HMX1: variants seen among roughly 807,000 people sequenced by gnomAD.
HMX1 encodes the protein homeobox protein HMX1.
HMX1 carries 8 observed loss-of-function variants against 8.9 expected under a neutral mutation model. The ratio of observed to expected loss-of-function variants is 0.90; its 90% CI spans 0.53 to 1.63. The LOEUF is 1.63. HMX1 is among the 40% of genes most tolerant of loss of function. HMX1 has a pLI of 0.00. For synonymous variants in HMX1, 311 were observed against 283.4 expected, an observed-to-expected ratio of 1.10 and a Z score of -0.98; for missense variants, 621 against 558.5, an observed-to-expected ratio of 1.11 and a Z score of -1.13.
At chr4:8,865,049 C>T (rs1427241629), downstream of HMX1, among the ~76,000 whole-genome samples, 1 of 152,184 alleles carries the variant, frequency 6.6e-6, no homozygotes, top group African/African-American at 2.4e-5. Context: ...CTAAAACTGG[C>T]ACCCATAGGG....
At chr4:8,869,646 C>A (rs1722143403) in intron 1 of HMX1, among the ~76,000 whole-genome samples, 1 of 152,236 alleles carries the variant, frequency 6.6e-6, no homozygotes. Context: ...GCCCTCACAG[C>A]ACCCACAGGG....
intron 1 of HMX1, among the ~76,000 whole-genome samples, chr4:8,869,812 G>A (rs1457185934): frequency 2.0e-5 from 3 of 152,194 alleles, no homozygotes; most frequent in South Asian, 2.1e-4. Context: ...CGCATGGCAC[G>A]AAATAAGGGG....
Position 8,867,226 on chromosome 4 carries a change from C to T in HMX1, c.*467G>A. ...GCACCCGCGAGAGGGGTAGCACAGC[C>T]CTCCGGGCCGGCCTGCTGTCTGGGT... On this transcript the variant is annotated 3_prime_UTR_variant, in exon 2 of 2. Coordinates refer to ENST00000400677, the MANE Select transcript of HMX1 (RefSeq NM_018942.3). 1 of 985,968 alleles carries T rather than the reference C, an allele frequency of 1.0e-6. No individual in the cohort carries two copies. Among genetic ancestry groups the T allele is most frequent in the Non-Finnish European group, 1.2e-6 (1 of 830,284 alleles). 61.1% of individuals were successfully genotyped at this position (985,968 alleles called of 1,614,324 possible). A position where few individuals can be genotyped will look rare whatever the true frequency, so the allele number is the denominator to read the frequency against.
In HMX1 at chr4:8,870,090, G is replaced by C. The variant is rs974113340; in HGVS notation, c.394+1131C>G. 6.6e-6 allele frequency among the ~76,000 whole-genome samples: 1 copy of C among 152,088 alleles called. No homozygotes were observed. The highest frequency in any genetic ancestry group is 2.4e-5 in the African/African-American group (1 of 41,398). On this transcript the variant is annotated intron_variant, in intron 1 of 1. Transcript: ENST00000400677. The surrounding 1 kb of genome is among the most constrained non-coding windows in gnomAD (Gnocchi z 4.4). ...CGACATGGAAAGGGTTATCTAACAA[G>C]TGAGTGAGGGTCGTAGGCCACTTAC...
rs1721363789 is a variant in HMX1, at chr4:8,849,137, G to A, written c.395-2813C>T. Among the ~76,000 whole-genome samples, 1 of 152,084 alleles carries A rather than the reference G, an allele frequency of 6.6e-6. No homozygotes were observed. The highest frequency in any genetic ancestry group is 2.4e-5 in the African/African-American group (1 of 41,424). On this transcript the variant is annotated intron_variant, in intron 1 of 1. Coordinates refer to the HMX1 transcript ENST00000506970. The surrounding 1 kb of genome is among the most constrained non-coding windows in gnomAD (Gnocchi z 6.6). ...TGTGAAACGGGGGTATGAAGTGTGG[G>A]ATGAAGCCTTTTCATGAGGTTGTGA...
Position 8,860,082 on chromosome 4 carries a change from C to T in HMX1, c.394+11139G>A, listed in dbSNP as rs185661529. ...ACTGCGTCAGGGGCGAAGCCGAGTTCGTGGAGCGCCGTTGCGCACAAGTGC... is the reference window on the plus strand; with the variant it reads ...ACTGCGTCAGGGGCGAAGCCGAGTTTGTGGAGCGCCGTTGCGCACAAGTGC... On this transcript the variant is annotated intron_variant, in intron 1 of 1. Transcript: ENST00000506970. 1.4e-4 allele frequency among the ~76,000 whole-genome samples: 21 copies of T among 152,378 alleles called. No homozygotes were observed. In the East Asian group the frequency reaches 3.9e-3, roughly 28 times the overall value.
In HMX1 at chr4:8,871,119, TGGCCCAGAAC is replaced by T. The variant is rs1384290114; in HGVS notation, c.394+92_394+101del. The T allele has an allele frequency of 8.6e-7, 1 of 1,167,124 alleles. No homozygotes were observed. The highest frequency in any genetic ancestry group is 1.1e-6 in the Non-Finnish European group (1 of 921,234). 72.3% of individuals were successfully genotyped at this position (1,167,124 alleles called of 1,614,324 possible). ...ACGCCGTTCCACAGAAGGGAGAGGA[TGGCCCAGAAC>T]GGGCGGCGACGAGCCCGAAGTCCCC... On this transcript the variant is annotated intron_variant, in intron 1 of 1. Coordinates refer to ENST00000400677, the MANE Select transcript of HMX1 (RefSeq NM_018942.3). The surrounding 1 kb of genome is among the most constrained non-coding windows in gnomAD (Gnocchi z 4.8).
chr4:8,870,528 A>G lies in HMX1; in HGVS notation c.394+693T>C, dbSNP rs1177409597. On this transcript the variant is annotated intron_variant, in intron 1 of 1. Coordinates refer to ENST00000400677, the MANE Select transcript of HMX1 (RefSeq NM_018942.3). This position sits in a 1 kb window ranked among gnomAD's most constrained non-coding sequence, Gnocchi z 4.4. ...AACAGGCTCCCTTCTTGCCTGGCAC[A>G]GCCCATGCCCCTCAAGGACCAAGAG... Among the ~76,000 whole-genome samples, 1 of 152,134 alleles carries G rather than the reference A, an allele frequency of 6.6e-6. No individual in the cohort carries two copies. Among genetic ancestry groups the G allele is most frequent in the East Asian group, 1.9e-4 (1 of 5,174 alleles).
At chr4:8,857,418 C>T (rs1050870119) in intron 1 of HMX1, among the ~76,000 whole-genome samples, 2 of 152,182 alleles carry the variant, frequency 1.3e-5, no homozygotes, top group East Asian at 1.9e-4. Flanking sequence ...GGGCAGCCTC[C>T]GCTTTCTCCT....
intron 1 of HMX1, among the ~76,000 whole-genome samples, chr4:8,855,512 G>A (rs1236989805): frequency 6.6e-6 from 1 of 152,150 alleles, no homozygotes; most frequent in Non-Finnish European, 1.5e-5. Context: ...CACTCTGGGG[G>A]TCGAGGTGAG....
chr4:8,867,958 T>C lies in HMX1; in HGVS notation c.782A>G (p.Gln261Arg). The change falls in exon 2 of 2, where the codon CAG becomes CGG. Residue 261 changes from glutamine (Q) to arginine (R), a missense_variant. Physicochemically the swap from Gln to Arg is conservative, Grantham distance 43. Transcript: ENST00000400677. The stretch of plus-strand genomic sequence containing the variant: ...GGCCGCCTCCAGCTCGGCTGCCAGC[T>C]GCCGCTTCCACTTGTTGCGGCGGTT... ...FQNRRNKWKR[Q>R]LAAELEAASL... 2 of 1,509,286 alleles carry C rather than the reference T, an allele frequency of 1.3e-6. No homozygotes were observed. 93.5% of individuals were successfully genotyped at this position (1,509,286 alleles called of 1,614,324 possible). A position where few individuals can be genotyped will look rare whatever the true frequency, so the allele number is the denominator to read the frequency against.
Position 8,871,139 on chromosome 4 carries a change from C to G in HMX1, c.394+82G>C. ...GAGGATGGCCCAGAACGGGCGGCGA[C>G]GAGCCCGAAGTCCCCCAGCAAATGC... is the stretch of plus-strand genomic sequence containing the variant. On this transcript the variant is annotated intron_variant, in intron 1 of 1. Transcript: ENST00000400677. The surrounding 1 kb of genome is among the most constrained non-coding windows in gnomAD (Gnocchi z 4.8). 4.0e-6 allele frequency: 5 copies of G among 1,243,840 alleles called. No homozygotes were observed. The highest frequency in any genetic ancestry group is 1.9e-5 in the South Asian group (1 of 52,594). 77.1% of individuals were successfully genotyped at this position (1,243,840 alleles called of 1,614,324 possible).
At chr4:8,865,618 G>C (rs1420503718), downstream of HMX1, among the ~76,000 whole-genome samples, 1 of 152,140 alleles carries the variant, frequency 6.6e-6, no homozygotes, top group Non-Finnish European at 1.5e-5. Context: ...CCAGGAGCCT[G>C]AGTCAGGGGT....
At chr4:8,858,257 G>A (rs961497444) in intron 1 of HMX1, among the ~76,000 whole-genome samples, 2 of 152,152 alleles carry the variant, frequency 1.3e-5, no homozygotes, top group African/African-American at 2.4e-5. Flanking sequence ...GAGCGCTCTA[G>A]GAAAGGCGCA....
At chr4:8,862,814 G>A (rs1721872364), downstream of HMX1, among the ~76,000 whole-genome samples, 1 of 152,176 alleles carries the variant, frequency 6.6e-6, no homozygotes, top group South Asian at 2.1e-4. Flanking sequence ...TTGCTCCCCA[G>A]GCGGTGAGGC....
At position 8,871,353 on chromosome 4, in the gene HMX1, C is replaced by G. The variant is rs952845659; in HGVS notation, c.262G>C (p.Gly88Arg). The change falls in exon 1 of 2, where the codon GGG becomes CGG. Residue 88 changes from glycine to arginine, a missense_variant. Transcript: ENST00000400677. The surrounding 1 kb of genome is among the most constrained non-coding windows in gnomAD (Gnocchi z 4.8). Reference protein sequence around the residue: ...GGEARARALLGPGALGLGPRP... With the variant: ...GGEARARALLRPGALGLGPRP... The stretch of plus-strand genomic sequence containing the variant: ...GGACCGAGGCCCAGCGCGCCCGGCC[C>G]GAGCAGCGCACGGGCCCGCGCCTCC... 17 of 1,256,232 alleles carry G rather than the reference C, an allele frequency of 1.4e-5. No individual in the cohort carries two copies. The African/African-American group carries it at 2.2e-4, about 16-fold the overall frequency. The allele number at this position is 1,256,232 out of a possible 1,614,324, so 77.8% of individuals were successfully genotyped here.
At chr4:8,855,142 G>C (rs1240072595) in intron 1 of HMX1, among the ~76,000 whole-genome samples, 2 of 152,248 alleles carry the variant, frequency 1.3e-5, no homozygotes, top group Non-Finnish European at 2.9e-5. Flanking sequence ...ACTCCACGCA[G>C]ATGAGCCCGT....
Position 8,871,429 on chromosome 4 carries a change from C to T in HMX1, c.186G>A (p.Arg62=), listed in dbSNP as rs1320887755. The T allele has an allele frequency of 6.1e-6, 8 of 1,318,900 alleles. No homozygotes were observed. Among genetic ancestry groups the T allele is most frequent in the Non-Finnish European group, 7.8e-6 (8 of 1,021,524 alleles). The allele number at this position is 1,318,900 out of a possible 1,614,324, so 81.7% of individuals were successfully genotyped here. A position where few individuals can be genotyped will look rare whatever the true frequency, so the allele number is the denominator to read the frequency against. ...ACTGTCGCCGCCGCTGTAGCCGTCG[C>T]CGCCGCGCCTGCTCGGCGTCCTCGT... ...PEDEDAEQAR[R]RRLQRRRQLL... The change falls in exon 1 of 2, where the codon CGG becomes CGA. Residue 62 remains arginine, a synonymous_variant. Coordinates refer to ENST00000400677, the MANE Select transcript of HMX1 (RefSeq NM_018942.3). This position sits in a 1 kb window ranked among gnomAD's most constrained non-coding sequence, Gnocchi z 4.8.
rs1196906257 is a variant in HMX1, at chr4:8,853,319, A to G, written c.395-6995T>C. Among the ~76,000 whole-genome samples the G allele has an allele frequency of 6.6e-6, 1 of 152,156 alleles. No individual in the cohort carries two copies. Among genetic ancestry groups the G allele is most frequent in the Non-Finnish European group, 1.5e-5 (1 of 68,026 alleles). On this transcript the variant is annotated intron_variant, in intron 1 of 1. Coordinates refer to the HMX1 transcript ENST00000506970. This position sits in a 1 kb window ranked among gnomAD's most constrained non-coding sequence, Gnocchi z 4.7. ...TCCGAGGCTCTGCTTTGCTGTAACT[A>G]AATTGTCCTCACCTGACCATCACAG...
Sources: allele counts gnomAD v4.1 joint callset (sites outside exome capture counted in the v4.1 genomes callset), GRCh38; gene constraint gnomAD v4.1.1; non-coding constraint Gnocchi (gnomAD v3.1); transcripts MANE v1.5; gene names NCBI Gene and HGNC (gene_info 2026-07-23, HGNC 2026-07-21).